NRG1: variants seen among roughly 807,000 people sequenced by gnomAD.
NRG1 encodes the protein neuregulin 1.
Under a neutral mutation model 63.8 loss-of-function variants are expected in NRG1, and 18 were observed. The ratio of observed to expected loss-of-function variants is 0.28; its 90% CI spans 0.19 to 0.42. The LOEUF is 0.42. NRG1 is among the 10% of genes least tolerant of loss of function. The pLI is 1.00. For synonymous variants in NRG1, 302 were observed against 301.3 expected (o/e 1.00, Z -0.02); for missense variants, 762 against 814.7 (o/e 0.94, Z 0.79).
intron 1 of NRG1, among the ~76,000 whole-genome samples, chr8:31,785,634 C>T (rs114291949): frequency 1.3e-5 from 2 of 152,260 alleles, no homozygotes; most frequent in African/African-American, 2.4e-5. Flanking sequence ...TTTCAAATCC[C>T]CATCACTTCA....
At chr8:32,698,186 C>T (rs1813853873) in intron 5 of NRG1, among the ~76,000 whole-genome samples, 2 of 148,340 alleles carry the variant, frequency 1.3e-5, no homozygotes, top group Admixed American at 6.7e-5. Context: ...AGCCTGATGA[C>T]AGCGAGACTC....
intron 1 of NRG1, among the ~76,000 whole-genome samples, chr8:31,991,958 A>C (rs1408904301): frequency 6.6e-6 from 1 of 151,998 alleles, no homozygotes; most frequent in Non-Finnish European, 1.5e-5. Flanking sequence ...TAAAGCATAA[A>C]ATTTAAAGTT....
intron 1 of NRG1, among the ~76,000 whole-genome samples, chr8:31,917,614 T>C (rs552225203): frequency 1.3e-5 from 2 of 152,294 alleles, no homozygotes; most frequent in South Asian, 4.1e-4. Flanking sequence ...TGTAGCCTTG[T>C]AGTATAGTTG....
intron 1 of NRG1, among the ~76,000 whole-genome samples, chr8:32,421,434 TG>T (rs1816686983): frequency 6.6e-6 from 1 of 152,114 alleles, no homozygotes; most frequent in Non-Finnish European, 1.5e-5. Flanking sequence ...CTCTTTCAAA[TG>T]GGAGATAATT....
At chr8:31,840,323 A>G (rs1334395216) in intron 1 of NRG1, among the ~76,000 whole-genome samples, 3 of 146,808 alleles carry the variant, frequency 2.0e-5, no homozygotes, top group Non-Finnish European at 4.5e-5. Flanking sequence ...GTGAAGAAGG[A>G]AAAGGTCAAA....
chr8:32,417,935 C>T (rs908784616), intron 1 of NRG1, among the ~76,000 whole-genome samples: 20 of 151,908 alleles, frequency 1.3e-4, no homozygotes, highest in Admixed American at 2.0e-4. Flanking sequence ...TTTTATGCAC[C>T]TTTTCCAAAG....
intron 2 of NRG1, among the ~76,000 whole-genome samples, chr8:32,602,768 G>GA (rs148989079): frequency 0.011 from 1,635 of 152,144 alleles, 11 homozygotes; most frequent in Middle Eastern, 0.048. Context: ...TGTTGGGCTG[G>GA]AAAATCTTAC....
At chr8:32,694,870 G>C (rs1812842973) in intron 5 of NRG1, among the ~76,000 whole-genome samples, 2 of 152,102 alleles carry the variant, frequency 1.3e-5, no homozygotes, top group South Asian at 4.1e-4. Context: ...CCACAGCGAG[G>C]GTCCACGGGA....
intron 1 of NRG1, among the ~76,000 whole-genome samples, chr8:32,322,355 T>TTA (rs149742517): frequency 0.054 from 7,630 of 142,500 alleles, 230 homozygotes; most frequent in African/African-American, 0.09. Context: ...CAACCTTATT[T>TTA]TATATATATA....
At chr8:32,152,667 T>C (rs922469715) in intron 1 of NRG1, among the ~76,000 whole-genome samples, 2 of 152,220 alleles carry the variant, frequency 1.3e-5, no homozygotes, top group African/African-American at 4.8e-5. Context: ...TTTAAGTGAA[T>C]TTTTTGTAAT....
At chr8:32,706,337 A>G (rs1816402499) in intron 5 of NRG1, among the ~76,000 whole-genome samples, 1 of 152,170 alleles carries the variant, frequency 6.6e-6, no homozygotes, top group African/African-American at 2.4e-5. Context: ...TTATTTTTCT[A>G]CTGCTAGATA....
chr8:31,991,859 A>G (rs573442282), intron 1 of NRG1, among the ~76,000 whole-genome samples: 7 of 151,956 alleles, frequency 4.6e-5, no homozygotes, highest in East Asian at 1.9e-4. Context: ...AAATTTCTCT[A>G]TGCTTCTGCC....
intron 1 of NRG1, among the ~76,000 whole-genome samples, chr8:31,965,592 A>G (rs545468726): frequency 1.3e-5 from 2 of 152,276 alleles, no homozygotes; most frequent in South Asian, 2.1e-4. Flanking sequence ...TGCTAGGTCA[A>G]TGGTAGCTCT....
chr8:31,915,426 TA>T (rs1833300560), intron 1 of NRG1, among the ~76,000 whole-genome samples: 1 of 152,156 alleles, frequency 6.6e-6, no homozygotes, highest in East Asian at 1.9e-4. Context: ...TTGTAAGTTA[TA>T]GTTTTAAAAA....
chr8:31,879,109 C>T (rs776385), intron 1 of NRG1, among the ~76,000 whole-genome samples: 54,999 of 151,874 alleles, frequency 0.36, 10,650 homozygotes, highest in African/African-American at 0.51. Flanking sequence ...AAGGGGCACG[C>T]ATTACACAAG....
intron 1 of NRG1, among the ~76,000 whole-genome samples, chr8:32,122,616 T>A (rs865792084): frequency 2.0e-5 from 3 of 150,650 alleles, no homozygotes; most frequent in South Asian, 2.1e-4. Context: ...TTAAGAACTT[T>A]TTATTATTAT....
chr8:31,754,228 T>G (rs2131473714), intron 1 of NRG1, among the ~76,000 whole-genome samples: 1 of 152,228 alleles, frequency 6.6e-6, no homozygotes, highest in East Asian at 1.9e-4. Context: ...AATCTCATGT[T>G]GAATTCTAAT....
At chr8:31,774,067 A>G (rs1342064439) in intron 1 of NRG1, among the ~76,000 whole-genome samples, 2 of 151,850 alleles carry the variant, frequency 1.3e-5, no homozygotes, top group Admixed American at 6.6e-5. Context: ...GCTATGGCTC[A>G]CAGGAACCAA....
chr8:31,841,186 T>A (rs868502684), intron 1 of NRG1, among the ~76,000 whole-genome samples: 17 of 149,876 alleles, frequency 1.1e-4, no homozygotes, highest in African/African-American at 4.0e-4. Flanking sequence ...CAATGATTGA[T>A]GAAACAGAGT....
Sources: allele counts gnomAD v4.1 joint callset (sites outside exome capture counted in the v4.1 genomes callset), GRCh38; gene constraint gnomAD v4.1.1; transcripts MANE v1.5; gene names NCBI Gene and HGNC (gene_info 2026-07-23, HGNC 2026-07-21).